The following CFD variants were observed in gnomAD, a reference collection of about 807,000 sequenced individuals.
The protein encoded by CFD is C3 convertase activator.
In CFD, 24 loss-of-function variants were observed where a neutral mutation model predicts 21.1. The observed-to-expected ratio is 1.14, with a 90% CI of 0.82 to 1.60. The LOEUF is 1.60. Among genes scored for constraint, CFD ranks in the 40% most tolerant of loss-of-function variants. The pLI is 0.00. For missense variants in CFD, 535 were observed against 383.3 expected, an observed-to-expected ratio of 1.40 and a Z score of -3.31; for synonymous variants, 242 against 175.9, an observed-to-expected ratio of 1.38 and a Z score of -2.97.
rs773904241 is a variant in CFD at position 860,957 on chromosome 19, C to T, written c.309C>T (p.His103=). ...RLYDVLRAVP[H]PDSQPDTIDH... ...ACGACGTGCTCCGCGCAGTGCCCCA[C>T]CCGGACAGCCAGCCCGACACCATCG... The change falls in exon 3 of 5, where the codon CAC becomes CAT. Residue 103 remains histidine, a synonymous_variant. Coordinates refer to ENST00000327726, the MANE Select transcript of CFD (RefSeq NM_001928.4). 2.4e-5 allele frequency: 39 copies of T among 1,600,558 alleles called. No homozygotes were observed. In the East Asian group the frequency reaches 7.8e-4, roughly 32 times the overall value.
chr19:863,477 T>C lies in CFD; in HGVS notation c.*239T>C. On this transcript the variant is annotated 3_prime_UTR_variant, in exon 5 of 5. Coordinates refer to ENST00000327726, the MANE Select transcript of CFD (RefSeq NM_001928.4). ...AATTGGCGGGCATGGAGGTGGGTGC[T>C]TGTAGTTCCAGCTACTCAGGAGGCT... is the stretch of plus-strand genomic sequence containing the variant. 2 of 573,062 alleles carry C rather than the reference T, an allele frequency of 3.5e-6. No homozygotes were observed. The highest frequency in any genetic ancestry group is 2.0e-5 in the South Asian group (1 of 51,276). The allele number at this position is 573,062 out of a possible 1,614,324, so 35.5% of individuals were successfully genotyped here.
In CFD at chr19:862,043, G is replaced by A. The variant is rs988922367; in HGVS notation, c.615+87G>A. ...GGAGCGCGAAGCGGGGGGCAAGTAG[G>A]AACAGGGCCCAGGGAAGGGGCGGGG... is the stretch of plus-strand genomic sequence containing the variant. On this transcript the variant is annotated intron_variant, in intron 4 of 4. Coordinates refer to ENST00000327726, the MANE Select transcript of CFD (RefSeq NM_001928.4). 8.0e-6 allele frequency: 11 copies of A among 1,371,682 alleles called. 1 individual carries two copies. The Admixed American group carries it at 2.7e-4, about 33-fold the overall frequency. 85.0% of individuals were successfully genotyped at this position (1,371,682 alleles called of 1,614,324 possible).
chr19:862,878 G>A (rs2035824760), intron 4 of CFD, among the ~76,000 whole-genome samples: 1 of 150,850 alleles, frequency 6.6e-6, no homozygotes, highest in South Asian at 2.1e-4. Flanking sequence ...AGGGGGTGTG[G>A]CCAGGAGCTG....
In CFD at chr19:860,793, G is replaced by T; in HGVS notation, c.212+20G>T. ...GGACGCGTGAGTGCCCGCGCCGCGCGGGGGAAGAGCCCGGGTGCGGTGGGG... is the reference window on the plus strand; with the variant it reads ...GGACGCGTGAGTGCCCGCGCCGCGCTGGGGAAGAGCCCGGGTGCGGTGGGG... On this transcript the variant is annotated intron_variant, in intron 2 of 4. Transcript: ENST00000327726. 1.3e-6 allele frequency: 2 copies of T among 1,559,776 alleles called. No individual in the cohort carries two copies. Among genetic ancestry groups the T allele is most frequent in the African/African-American group, 1.4e-5 (1 of 73,868 alleles).
intron 4 of CFD, 50 bp from the exon 5 acceptor site, chr19:863,042 G>A: frequency 2.0e-6 from 3 of 1,475,710 alleles, no homozygotes; most frequent in Non-Finnish European, 2.7e-6. Flanking sequence ...TAACACGTGA[G>A]GCCGGGGTGG....
At chr19:861,593 C>A (rs1683563) in intron 3 of CFD, 106 bp from the exon 4 acceptor site, 183 of 1,377,666 alleles carry the variant, frequency 1.3e-4, no homozygotes, top group Non-Finnish European at 1.8e-4. Context: ...GACCCACGCC[C>A]CTGCCCTGAT....
rs1267284204 is a variant in CFD at position 859,809 on chromosome 19, A to T, written c.55+65A>T. 4 of 1,303,240 alleles carry T rather than the reference A, an allele frequency of 3.1e-6. No homozygotes were observed. The South Asian group carries it at 5.0e-5, about 16-fold the overall frequency. 80.7% of individuals were successfully genotyped at this position (1,303,240 alleles called of 1,614,324 possible). ...TAGGGGCGTGGTGCTCCCTTCCGTC[A>T]CACGGACGGTCCTCCAGCCCCTCCA... On this transcript the variant is annotated intron_variant, in intron 1 of 4. Coordinates refer to ENST00000327726, the MANE Select transcript of CFD (RefSeq NM_001928.4).
At chr19:859,952 G>C (rs999363818) in intron 1 of CFD, among the ~76,000 whole-genome samples, 1 of 152,186 alleles carries the variant, frequency 6.6e-6, no homozygotes, top group South Asian at 2.1e-4. Context: ...TGCAGACAGA[G>C]TCTGAACGTC....
At chr19:860,592 C>A in intron 1 of CFD, 25 bp from the exon 2 acceptor site, 1 of 1,408,434 alleles carries the variant, frequency 7.1e-7, no homozygotes, top group South Asian at 1.5e-5. Context: ...CACCCCGCGG[C>A]CCTCACGCGC....
Position 863,329 on chromosome 19 carries a change from G to A in CFD, c.*91G>A. On this transcript the variant is annotated 3_prime_UTR_variant, in exon 5 of 5. Coordinates refer to ENST00000327726, the MANE Select transcript of CFD (RefSeq NM_001928.4). Reference sequence around the variant, plus strand: ...CCTGCATCTGGTTGGTCTTTATTGAGCACCTACTATATGCAGAAGGGGAGG... The same window carrying A: ...CCTGCATCTGGTTGGTCTTTATTGAACACCTACTATATGCAGAAGGGGAGG... 1 of 1,459,516 alleles carries A rather than the reference G, an allele frequency of 6.9e-7. No homozygotes were observed. Among genetic ancestry groups the A allele is most frequent in the African/African-American group, 1.4e-5 (1 of 71,646 alleles). 90.4% of individuals were successfully genotyped at this position (1,459,516 alleles called of 1,614,324 possible).
In CFD at chr19:863,304, C is replaced by A. The variant is rs1041263814; in HGVS notation, c.*66C>A. 2 of 1,525,250 alleles carry A rather than the reference C, an allele frequency of 1.3e-6. No individual in the cohort carries two copies. Among genetic ancestry groups the A allele is most frequent in the Non-Finnish European group, 1.8e-6 (2 of 1,136,346 alleles). The allele number at this position is 1,525,250 out of a possible 1,614,324, so 94.5% of individuals were successfully genotyped here. Reference sequence around the variant, plus strand: ...GTCCCGAGCAATGAAGTCATCCACTCCTGCATCTGGTTGGTCTTTATTGAG... The same window carrying A: ...GTCCCGAGCAATGAAGTCATCCACTACTGCATCTGGTTGGTCTTTATTGAG... On this transcript the variant is annotated 3_prime_UTR_variant, in exon 5 of 5. Coordinates refer to ENST00000327726, the MANE Select transcript of CFD (RefSeq NM_001928.4).
At chr19:859,859 C>T (rs923348853) in intron 1 of CFD, 115 bp downstream of exon 1, 7 of 752,862 alleles carry the variant, frequency 9.3e-6, no homozygotes, top group African/African-American at 8.7e-5. Flanking sequence ...GGGTGTCTCT[C>T]CTCACTAATG....
rs1393113050 is a variant in CFD at position 863,342 on chromosome 19, G to A, written c.*104G>A. The A allele has an allele frequency of 1.4e-6, 2 of 1,383,740 alleles. No individual in the cohort carries two copies. The highest frequency in any genetic ancestry group is 5.0e-5 in the East Asian group (2 of 39,690). 85.7% of individuals were successfully genotyped at this position (1,383,740 alleles called of 1,614,324 possible). A position where few individuals can be genotyped will look rare whatever the true frequency, so the allele number is the denominator to read the frequency against. On this transcript the variant is annotated 3_prime_UTR_variant, in exon 5 of 5. Coordinates refer to ENST00000327726, the MANE Select transcript of CFD (RefSeq NM_001928.4). ...GGTCTTTATTGAGCACCTACTATAT[G>A]CAGAAGGGGAGGCCGAGGTGGGAGG...
rs2035838227 is a variant in CFD at position 863,307 on chromosome 19, G to A, written c.*69G>A. On this transcript the variant is annotated 3_prime_UTR_variant, in exon 5 of 5. Coordinates refer to ENST00000327726, the MANE Select transcript of CFD (RefSeq NM_001928.4). The stretch of plus-strand genomic sequence containing the variant: ...CCGAGCAATGAAGTCATCCACTCCT[G>A]CATCTGGTTGGTCTTTATTGAGCAC... The A allele has an allele frequency of 2.6e-6, 4 of 1,522,030 alleles. No individual in the cohort carries two copies. In the Admixed American group the frequency reaches 5.9e-5, roughly 22 times the overall value. The allele number at this position is 1,522,030 out of a possible 1,614,324, so 94.3% of individuals were successfully genotyped here.
Position 863,587 on chromosome 19 carries a change from G to A in CFD, c.*349G>A, listed in dbSNP as rs2035843404. The A allele has an allele frequency of 4.1e-6, 1 of 244,768 alleles. No homozygotes were observed. Among genetic ancestry groups the A allele is most frequent in the South Asian group, 6.0e-5 (1 of 16,530 alleles). 15.2% of individuals were successfully genotyped at this position (244,768 alleles called of 1,614,324 possible). The stretch of plus-strand genomic sequence containing the variant: ...ACTGCCCTCCAGCCTGGGCAACAGA[G>A]TGAAACCTTGTCTCTCTCTACAAAA... On this transcript the variant is annotated 3_prime_UTR_variant, in exon 5 of 5. Coordinates refer to ENST00000327726, the MANE Select transcript of CFD (RefSeq NM_001928.4).
intron 4 of CFD, among the ~76,000 whole-genome samples, chr19:862,315 G>T (rs1348013489): frequency 7.0e-6 from 1 of 142,016 alleles, no homozygotes; most frequent in Non-Finnish European, 1.5e-5. Context: ...AGGAGGGGGC[G>T]GAGTCCAGTA....
In CFD at chr19:861,889, C is replaced by G. The variant is rs757020824; in HGVS notation, c.548C>G (p.Thr183Arg). Residue 183 changes from threonine to arginine, a missense_variant, in exon 4 of 5, where the codon ACG (threonine) becomes AGG (arginine). Coordinates refer to ENST00000327726, the MANE Select transcript of CFD (RefSeq NM_001928.4). ...GACCGCGCCACCTGCAACCGGCGCA[C>G]GCACCACGACGGCGCCATCACCGAG... ...VLDRATCNRR[T>R]HHDGAITERL... 2 of 1,584,878 alleles carry G rather than the reference C, an allele frequency of 1.3e-6. No individual in the cohort carries two copies. The highest frequency in any genetic ancestry group is 1.7e-6 in the Non-Finnish European group (2 of 1,172,480).
intron 1 of CFD, among the ~76,000 whole-genome samples, chr19:859,950 G>C (rs1034003810): frequency 6.6e-6 from 1 of 152,166 alleles, no homozygotes; most frequent in African/African-American, 2.4e-5. Context: ...CTTGCAGACA[G>C]AGTCTGAACG....
rs1457658801 is a variant in CFD at position 863,559 on chromosome 19, A to G, written c.*321A>G. ...TGAGGCTGCAGTGAGTTGTGATTGC[A>G]CCACTGCCCTCCAGCCTGGGCAACA... On this transcript the variant is annotated 3_prime_UTR_variant, in exon 5 of 5. Coordinates refer to ENST00000327726, the MANE Select transcript of CFD (RefSeq NM_001928.4). The G allele has an allele frequency of 2.7e-6, 1 of 369,594 alleles. No individual in the cohort carries two copies. The highest frequency in any genetic ancestry group is 5.1e-6 in the Non-Finnish European group (1 of 197,674). The allele number at this position is 369,594 out of a possible 1,614,324, so 22.9% of individuals were successfully genotyped here. A position where few individuals can be genotyped will look rare whatever the true frequency, so the allele number is the denominator to read the frequency against.
Sources: gnomAD v4.1 joint callset for allele counts (sites outside exome capture counted in the v4.1 genomes callset) on GRCh38, gnomAD v4.1.1 for gene constraint, MANE v1.5 for transcripts, NCBI Gene and HGNC (gene_info 2026-07-23, HGNC 2026-07-21) for gene names.